The following PTPRK variants were observed in gnomAD, a reference collection of about 807,000 sequenced individuals.
PTPRK encodes receptor-type tyrosine-protein phosphatase kappa.
Under a neutral mutation model 178.0 loss-of-function variants are expected in PTPRK, and 75 were observed. That is an observed-to-expected ratio of 0.42 (90% CI 0.35 to 0.51). The LOEUF (loss-of-function observed/expected upper bound fraction) is 0.51, where lower values mean the gene tolerates loss of function less well. Among genes scored for constraint, PTPRK ranks in the 20% least tolerant of loss-of-function variants. The probability of loss-of-function intolerance (pLI) is 0.02; values close to 1 mark genes in which losing one functional copy is unlikely to be tolerated. For synonymous variants in PTPRK, 637 were observed against 620.6 expected, an observed-to-expected ratio of 1.03 and a Z score of -0.39; for missense variants, 1,441 against 1,797.8, an observed-to-expected ratio of 0.80 and a Z score of 3.59.
intron 1 of PTPRK, among the ~76,000 whole-genome samples, chr6:128,418,688 A>G (rs762404118): frequency 2.0e-5 from 3 of 152,104 alleles, no homozygotes; most frequent in African/African-American, 2.4e-5. Flanking sequence ...TACCATAAGC[A>G]TATGTCCACC....
Position 128,519,250 on chromosome 6 carries a change from A to C in PTPRK, c.100+1009T>G, listed in dbSNP as rs1402667494. On this transcript the variant is annotated intron_variant, in intron 1 of 29. Transcript: ENST00000368226. This position sits in a 1 kb window ranked among gnomAD's most constrained non-coding sequence, Gnocchi z 4.3. Reference sequence around the variant, plus strand: ...TGAAACTTCAGAGCCCCCAGAGGAGAGAACGAAAGAAGCAACCAACCTACA... The same window carrying C: ...TGAAACTTCAGAGCCCCCAGAGGAGCGAACGAAAGAAGCAACCAACCTACA... 3 of 387,790 alleles carry C rather than the reference A, an allele frequency of 7.7e-6. No individual in the cohort carries two copies. The highest frequency in any genetic ancestry group is 6.4e-5 in the African/African-American group (3 of 47,050). 24.0% of individuals were successfully genotyped at this position (387,790 alleles called of 1,614,324 possible).
intron 13 of PTPRK, among the ~76,000 whole-genome samples, chr6:128,058,032 T>G (rs1780198977): frequency 6.6e-6 from 1 of 152,234 alleles, no homozygotes; most frequent in Non-Finnish European, 1.5e-5. Flanking sequence ...GAGCATGGCA[T>G]TATGTGAATA....
chr6:128,309,485 A>G (rs909290276), intron 3 of PTPRK, among the ~76,000 whole-genome samples: 4 of 152,128 alleles, frequency 2.6e-5, no homozygotes, highest in East Asian at 1.9e-4. Context: ...TCTGCAACCA[A>G]CGTTCGGACC....
In PTPRK at chr6:127,983,226, AGG is replaced by A. The variant is rs781344094; in HGVS notation, c.3387+14_3387+15del. The stretch of plus-strand genomic sequence containing the variant: ...TAAAAAATAAAAAAAAGTCCACTAC[AGG>A]TAAATCTACATACCTCTGTCTGGAC... On this transcript the variant is annotated intron_variant, in intron 23 of 29. Transcript: ENST00000368226. The A allele has an allele frequency of 5.1e-6, 8 of 1,574,022 alleles. No homozygotes were observed. In the African/African-American group the frequency reaches 1.1e-4, roughly 22 times the overall value.
chr6:128,471,888 GA>G (rs1250579278), intron 1 of PTPRK, among the ~76,000 whole-genome samples: 1 of 151,788 alleles, frequency 6.6e-6, no homozygotes, highest in East Asian at 1.9e-4. Context: ...TGTATAATAA[GA>G]ACATAGCAGA....
chr6:128,057,847 A>G (rs1217797688), intron 13 of PTPRK, among the ~76,000 whole-genome samples: 2 of 152,200 alleles, frequency 1.3e-5, no homozygotes, highest in African/African-American at 4.8e-5. Flanking sequence ...TATTTAAATC[A>G]TAATACATCT....
chr6:127,975,609 G>A (rs1774455617), intron 27 of PTPRK, among the ~76,000 whole-genome samples: 2 of 152,188 alleles, frequency 1.3e-5, no homozygotes, highest in Admixed American at 1.3e-4. Flanking sequence ...TTAATTTCAT[G>A]AAAGTTACTA....
intron 7 of PTPRK, 81 bp downstream of exon 7, chr6:128,184,351 G>A: frequency 3.0e-6 from 4 of 1,342,964 alleles, no homozygotes; most frequent in Non-Finnish European, 4.1e-6. Context: ...CAAATAATGA[G>A]AACCTTCAAC....
chr6:128,029,663 A>T (rs35747795), intron 13 of PTPRK, among the ~76,000 whole-genome samples: 1 of 121,766 alleles, frequency 8.2e-6, no homozygotes, highest in South Asian at 2.2e-4. Context: ...TAATAATAAT[A>T]ATAATAATAA....
In PTPRK at chr6:128,001,159, T is replaced by A. The variant is rs556763781; in HGVS notation, c.2495-2255A>T. 3.8e-5 allele frequency: 55 copies of A among 1,459,152 alleles called. No homozygotes were observed. In the African/African-American group the frequency reaches 7.2e-4, roughly 19 times the overall value. 90.4% of individuals were successfully genotyped at this position (1,459,152 alleles called of 1,614,324 possible). A position where few individuals can be genotyped will look rare whatever the true frequency, so the allele number is the denominator to read the frequency against. On this transcript the variant is annotated intron_variant, in intron 15 of 29. Transcript: ENST00000368226. ...ATAATAACTTGAAATATATCCTTGA[T>A]TGAAAGGTTTTCTAGAGTTCTTTGC...
chr6:128,438,962 A>G lies in PTPRK; in HGVS notation c.101-41274T>C, dbSNP rs1845953625. On this transcript the variant is annotated intron_variant, in intron 1 of 29. Transcript: ENST00000368226. ...TGACCATATAATTATTCAGTGATGG[A>G]TCAGTATTCCAATTAGAACTCCAAA... is the stretch of plus-strand genomic sequence containing the variant. Among the ~76,000 whole-genome samples the G allele has an allele frequency of 3.3e-5, 5 of 152,318 alleles. No individual in the cohort carries two copies. In the South Asian group the frequency reaches 1.0e-3, roughly 32 times the overall value.
intron 3 of PTPRK, among the ~76,000 whole-genome samples, chr6:128,305,157 G>A (rs17055596): frequency 3.3e-5 from 5 of 152,048 alleles, no homozygotes; most frequent in East Asian, 1.9e-4. Context: ...AAGAATTCCC[G>A]TTTCAAAGTC....
chr6:128,123,435 C>A (rs1258753269), intron 7 of PTPRK, among the ~76,000 whole-genome samples: 1 of 152,000 alleles, frequency 6.6e-6, no homozygotes, highest in Admixed American at 6.6e-5. Flanking sequence ...AAAGGTCAGG[C>A]CTGCATGTAC....
intron 3 of PTPRK, among the ~76,000 whole-genome samples, chr6:128,272,985 T>C (rs1247809896): frequency 1.3e-5 from 2 of 152,138 alleles, no homozygotes; most frequent in African/African-American, 4.8e-5. Flanking sequence ...ATAGACTGGA[T>C]TAAGAAAATG....
At chr6:128,134,390 A>G (rs1405796170) in intron 7 of PTPRK, among the ~76,000 whole-genome samples, 5 of 152,134 alleles carry the variant, frequency 3.3e-5, no homozygotes, top group Non-Finnish European at 5.9e-5. Context: ...CAAAACTTAA[A>G]TTTCAGAACA....
chr6:128,046,717 C>T (rs755557997), intron 13 of PTPRK, among the ~76,000 whole-genome samples: 2 of 152,096 alleles, frequency 1.3e-5, no homozygotes, highest in Non-Finnish European at 2.9e-5. Context: ...CCACCCTCCA[C>T]TTTTGTAAAT....
chr6:128,102,046 C>A (rs998231784), intron 7 of PTPRK, among the ~76,000 whole-genome samples: 1 of 152,150 alleles, frequency 6.6e-6, no homozygotes, highest in Admixed American at 6.6e-5. Flanking sequence ...TATATTAACA[C>A]GTATGCCCTC....
intron 13 of PTPRK, among the ~76,000 whole-genome samples, chr6:128,020,520 C>T (rs1773346689): frequency 6.6e-6 from 1 of 152,104 alleles, no homozygotes; most frequent in Admixed American, 6.5e-5. Flanking sequence ...ATATTAAAAT[C>T]CAGGTACTGT....
At chr6:128,137,694 C>A (rs1303574073) in intron 7 of PTPRK, among the ~76,000 whole-genome samples, 1 of 152,010 alleles carries the variant, frequency 6.6e-6, no homozygotes, top group Non-Finnish European at 1.5e-5. Context: ...TGAACCCAAA[C>A]AGCATCCAAG....
Sources: gnomAD v4.1 joint callset for allele counts (sites outside exome capture counted in the v4.1 genomes callset) on GRCh38, gnomAD v4.1.1 for gene constraint, Gnocchi (gnomAD v3.1) non-coding constraint, MANE v1.5 for transcripts, NCBI Gene and HGNC (gene_info 2026-07-23, HGNC 2026-07-21) for gene names.